MCTP1: variants seen among roughly 807,000 people sequenced by gnomAD.
MCTP1 encodes multiple C2 and transmembrane domain-containing protein 1.
MCTP1 carries 69 observed loss-of-function variants against 120.6 expected under a neutral mutation model. The observed-to-expected ratio is 0.57, with a 90% CI of 0.47 to 0.70. The LOEUF (loss-of-function observed/expected upper bound fraction) is 0.70, where lower values mean the gene tolerates loss of function less well. MCTP1 is among the 30% of genes least tolerant of loss of function. MCTP1 has a pLI of 0.00. For synonymous variants in MCTP1, 529 were observed against 493.1 expected (o/e 1.07, Z -0.96); for missense variants, 1,203 against 1,248.8 (o/e 0.96, Z 0.55).
intron 19 of MCTP1, among the ~76,000 whole-genome samples, chr5:94,751,679 T>C (rs193238588): frequency 2.6e-5 from 4 of 152,172 alleles, no homozygotes; most frequent in Non-Finnish European, 5.9e-5. Context: ...AGAATGACTT[T>C]GAGAGTGTCA....
At chr5:94,786,617 T>C (rs1006600384) in intron 18 of MCTP1, among the ~76,000 whole-genome samples, 10 of 152,230 alleles carry the variant, frequency 6.6e-5, no homozygotes, top group Admixed American at 1.3e-4. Context: ...CAGAACTCTA[T>C]ATCCCAGGAA....
At chr5:95,015,931 T>C (rs1347186569) in intron 2 of MCTP1, among the ~76,000 whole-genome samples, 1 of 152,122 alleles carries the variant, frequency 6.6e-6, no homozygotes, top group Admixed American at 6.6e-5. Flanking sequence ...TGTTTTAGAT[T>C]GAATGATATA....
chr5:95,266,267 G>A (rs981498283), intron 1 of MCTP1, among the ~76,000 whole-genome samples: 8 of 152,156 alleles, frequency 5.3e-5, no homozygotes, highest in African/African-American at 1.9e-4. Flanking sequence ...TGCTAATGGA[G>A]CCATCTAATT....
chr5:95,107,871 C>A (rs1757202122), intron 1 of MCTP1, among the ~76,000 whole-genome samples: 1 of 152,000 alleles, frequency 6.6e-6, no homozygotes, highest in Admixed American at 6.6e-5. Context: ...TTTTAAGTTC[C>A]AGGATACATG....
chr5:95,115,299 A>G lies in MCTP1; in HGVS notation c.721-97815T>C, dbSNP rs558680189. On this transcript the variant is annotated intron_variant, in intron 1 of 22. Transcript: ENST00000515393. ...TCAACTAAATACAGCACCAGGGACC[A>G]ATCCTGGAGAAACAGAGAGATATGA... Among the ~76,000 whole-genome samples the G allele has an allele frequency of 3.9e-5, 6 of 152,290 alleles. No homozygotes were observed. In the South Asian group the frequency reaches 1.2e-3, roughly 32 times the overall value.
chr5:94,962,973 C>T (rs1483067269), intron 2 of MCTP1, among the ~76,000 whole-genome samples: 1 of 152,058 alleles, frequency 6.6e-6, no homozygotes, highest in Non-Finnish European at 1.5e-5. Flanking sequence ...CAAGTTGGCA[C>T]CTTGCTGCTG....
chr5:95,081,391 C>T, intron 1 of MCTP1: 1 of 1,593,290 alleles, frequency 6.3e-7, no homozygotes, highest in Non-Finnish European at 8.6e-7. Flanking sequence ...TTTAAGGCTA[C>T]CACAATCCAG....
At chr5:95,267,768 A>G (rs1461675743) in intron 1 of MCTP1, among the ~76,000 whole-genome samples, 1 of 152,190 alleles carries the variant, frequency 6.6e-6, no homozygotes, top group East Asian at 1.9e-4. Context: ...GCTAAAGTCC[A>G]AAATCTCCCC....
At chr5:95,102,746 G>A (rs1007603431) in intron 1 of MCTP1, among the ~76,000 whole-genome samples, 1 of 152,174 alleles carries the variant, frequency 6.6e-6, no homozygotes, top group Non-Finnish European at 1.5e-5. Context: ...CAGATTAAGG[G>A]TAGGGATCAC....
At chr5:95,192,132 C>T (rs1273567525) in intron 1 of MCTP1, among the ~76,000 whole-genome samples, 2 of 151,748 alleles carry the variant, frequency 1.3e-5, no homozygotes, top group Non-Finnish European at 1.5e-5. Flanking sequence ...AAAGAGTATT[C>T]CCAAGGGATA....
Position 95,088,098 on chromosome 5 carries a change from G to C in MCTP1, c.721-70614C>G, listed in dbSNP as rs189327783. On this transcript the variant is annotated intron_variant, in intron 1 of 22. Coordinates refer to ENST00000515393, the MANE Select transcript of MCTP1 (RefSeq NM_024717.7). ...TTCTGATCTCACACATTAGTTGTAA[G>C]AGTTTCATTAATATGAGTCCAGTTC... Among the ~76,000 whole-genome samples the C allele has an allele frequency of 3.7e-4, 57 of 152,328 alleles. 1 individual carries two copies. The highest frequency in any genetic ancestry group is 3.4e-3 in the Middle Eastern group (1 of 294).
chr5:95,137,019 T>A (rs1039601753), intron 1 of MCTP1, among the ~76,000 whole-genome samples: 3 of 152,212 alleles, frequency 2.0e-5, no homozygotes, highest in African/African-American at 7.2e-5. Flanking sequence ...ACCTCAACAA[T>A]GAAAAGAATT....
intron 5 of MCTP1, among the ~76,000 whole-genome samples, chr5:94,936,595 G>A (rs1816258548): frequency 6.6e-6 from 1 of 152,078 alleles, no homozygotes; most frequent in Non-Finnish European, 1.5e-5. Flanking sequence ...ATAATGCTTA[G>A]TAGATGATCA....
At chr5:95,119,910 C>T (rs1287520470) in intron 1 of MCTP1, among the ~76,000 whole-genome samples, 10 of 151,878 alleles carry the variant, frequency 6.6e-5, no homozygotes, top group Non-Finnish European at 8.8e-5. Context: ...CGGTGGCTCA[C>T]GTCTGTAATC....
intron 1 of MCTP1, among the ~76,000 whole-genome samples, chr5:95,212,637 C>G (rs963727882): frequency 6.6e-6 from 1 of 151,686 alleles, no homozygotes; most frequent in Non-Finnish European, 1.5e-5. Context: ...AAACCGAATC[C>G]AGCAGCACAT....
At chr5:94,973,301 C>T (rs930934960) in intron 2 of MCTP1, among the ~76,000 whole-genome samples, 11 of 152,146 alleles carry the variant, frequency 7.2e-5, no homozygotes, top group African/African-American at 2.2e-4. Context: ...CGACTTGTCC[C>T]GTCTACCTCA....
In MCTP1 at chr5:94,829,951, G is replaced by A. The variant is rs141188962; in HGVS notation, c.2437-30819C>T. ...GCATGAATCTATGCTATGCTGTCTC[G>A]CTATTCATCCTGCTTTGTGAGTGAG... is the stretch of plus-strand genomic sequence containing the variant. On this transcript the variant is annotated intron_variant, in intron 17 of 22. Coordinates refer to ENST00000515393, the MANE Select transcript of MCTP1 (RefSeq NM_024717.7). Among the ~76,000 whole-genome samples, 643 of 152,178 alleles carry A rather than the reference G, an allele frequency of 4.2e-3. 2 individuals carry two copies. Among genetic ancestry groups the A allele is most frequent in the African/African-American group, 0.015 (611 of 41,508 alleles).
chr5:95,254,699 C>T (rs1757703668), intron 1 of MCTP1, among the ~76,000 whole-genome samples: 1 of 152,128 alleles, frequency 6.6e-6, no homozygotes, highest in African/African-American at 2.4e-5. Flanking sequence ...AACTACTACA[C>T]ATATTAATTG....
chr5:94,729,109 T>C (rs1170703324), intron 19 of MCTP1, among the ~76,000 whole-genome samples: 1 of 152,198 alleles, frequency 6.6e-6, no homozygotes, highest in Non-Finnish European at 1.5e-5. Flanking sequence ...GCTGCTCTAA[T>C]GATAAAACTC....
Sources: allele counts gnomAD v4.1 joint callset (sites outside exome capture counted in the v4.1 genomes callset), GRCh38; gene constraint gnomAD v4.1.1; transcripts MANE v1.5; gene names NCBI Gene and HGNC (gene_info 2026-07-23, HGNC 2026-07-21).